LHPP: variants seen among roughly 807,000 people sequenced by gnomAD.
LHPP encodes phospholysine phosphohistidine inorganic pyrophosphate phosphatase.
Under a neutral mutation model 30.3 loss-of-function variants are expected in LHPP, and 24 were observed. That is an observed-to-expected ratio of 0.79 (90% CI 0.57 to 1.11). The LOEUF (loss-of-function observed/expected upper bound fraction) is 1.11. Among genes scored for constraint, LHPP ranks in the 50% most tolerant of loss-of-function variants. LHPP has a pLI of 0.00. For synonymous variants in LHPP, 150 were observed against 157.1 expected (o/e 0.95, Z 0.34); for missense variants, 356 against 367.2 (o/e 0.97, Z 0.25).
intron 6 of LHPP, among the ~76,000 whole-genome samples, chr10:124,562,462 G>A (rs1191392186): frequency 6.6e-6 from 1 of 152,170 alleles, no homozygotes; most frequent in Non-Finnish European, 1.5e-5. Flanking sequence ...TGAACTTGAA[G>A]GCAGGAAAAT....
At chr10:124,538,062 G>A (rs897355304) in intron 6 of LHPP, among the ~76,000 whole-genome samples, 1 of 152,072 alleles carries the variant, frequency 6.6e-6, no homozygotes, top group Non-Finnish European at 1.5e-5. Flanking sequence ...CCACCCACCT[G>A]CTGGGTCCTC....
chr10:124,469,547 A>T (rs1433571826), intron 1 of LHPP, among the ~76,000 whole-genome samples: 1 of 152,044 alleles, frequency 6.6e-6, no homozygotes, highest in Non-Finnish European at 1.5e-5. Context: ...AGGACCAAAA[A>T]TCGGAGAGAT....
At chr10:124,493,132 C>A (rs373580107) in intron 3 of LHPP, among the ~76,000 whole-genome samples, 1 of 133,554 alleles carries the variant, frequency 7.5e-6, no homozygotes, top group African/African-American at 2.7e-5. Flanking sequence ...AAAAAAAAAA[C>A]CGGAAGCAGT....
In LHPP at chr10:124,541,742, C is replaced by T. The variant is rs1589846084; in HGVS notation, c.716+24471C>T. 1.3e-5 allele frequency among the ~76,000 whole-genome samples: 2 copies of T among 152,144 alleles called. No homozygotes were observed. Among genetic ancestry groups the T allele is most frequent in the African/African-American group, 2.4e-5 (1 of 41,424 alleles). On this transcript the variant is annotated intron_variant, in intron 6 of 6. Transcript: ENST00000368842. This position sits in a 1 kb window ranked among gnomAD's most constrained non-coding sequence, Gnocchi z 4.2. ...CAAGCTACGAGGGCTTCTTAGAACACGCTGGACACTGGGGAGGGCTCTAAT... is the reference window on the plus strand; with the variant it reads ...CAAGCTACGAGGGCTTCTTAGAACATGCTGGACACTGGGGAGGGCTCTAAT...
At chr10:124,534,402 G>A (rs1366601540) in intron 6 of LHPP, among the ~76,000 whole-genome samples, 2 of 152,240 alleles carry the variant, frequency 1.3e-5, no homozygotes, top group Non-Finnish European at 2.9e-5. Context: ...GAAGAGGGCA[G>A]CACCGGCACG....
chr10:124,477,475 G>A (rs888089562), intron 1 of LHPP, among the ~76,000 whole-genome samples: 6 of 152,128 alleles, frequency 3.9e-5, no homozygotes, highest in Non-Finnish European at 5.9e-5. Context: ...GTGGGGGAGC[G>A]CTGCCCCCCA....
At position 124,520,946 on chromosome 10, in the gene LHPP, G is replaced by A. The variant is rs567519062; in HGVS notation, c.716+3675G>A. Reference sequence around the variant, plus strand: ...CTGCATGTTGAAATGCTGATATTTCGTGTTAATTTCACCCATTTATTTAAA... The same window carrying A: ...CTGCATGTTGAAATGCTGATATTTCATGTTAATTTCACCCATTTATTTAAA... On this transcript the variant is annotated intron_variant, in intron 6 of 6. Coordinates refer to ENST00000368842, the MANE Select transcript of LHPP (RefSeq NM_022126.4). Among the ~76,000 whole-genome samples, 21 of 152,326 alleles carry A rather than the reference G, an allele frequency of 1.4e-4. No individual in the cohort carries two copies. In the East Asian group the frequency reaches 2.5e-3, roughly 18 times the overall value.
chr10:124,571,730 G>A (rs959883100), intron 6 of LHPP, among the ~76,000 whole-genome samples: 1 of 152,146 alleles, frequency 6.6e-6, no homozygotes, highest in African/African-American at 2.4e-5. Flanking sequence ...TCCCTGGCTG[G>A]CCACCCTGCC....
chr10:124,522,631 G>A (rs1045841840), intron 6 of LHPP, among the ~76,000 whole-genome samples: 16 of 152,218 alleles, frequency 1.1e-4, no homozygotes, highest in African/African-American at 3.9e-4. Flanking sequence ...CTGCCCTTGG[G>A]GCCACATTTT....
At chr10:124,527,670 TC>T (rs1418501596) in intron 6 of LHPP, among the ~76,000 whole-genome samples, 1 of 151,620 alleles carries the variant, frequency 6.6e-6, no homozygotes, top group East Asian at 1.9e-4. Context: ...AGAGGGGGAG[TC>T]CAGCTGCCCG....
At chr10:124,548,070 G>A (rs1444160087) in intron 6 of LHPP, among the ~76,000 whole-genome samples, 4 of 152,322 alleles carry the variant, frequency 2.6e-5, no homozygotes, top group African/African-American at 9.6e-5. Flanking sequence ...GTCTCTAGGG[G>A]AGTTCCTGGG....
intron 6 of LHPP, among the ~76,000 whole-genome samples, chr10:124,542,689 A>C (rs1955227436): frequency 6.6e-6 from 1 of 152,036 alleles, no homozygotes; most frequent in Admixed American, 6.5e-5. Context: ...GCCAGGCTGG[A>C]GGCCCATTTT....
intron 6 of LHPP, among the ~76,000 whole-genome samples, chr10:124,584,872 G>C (rs1176391433): frequency 6.7e-6 from 1 of 149,070 alleles, no homozygotes; most frequent in African/African-American, 2.5e-5. Context: ...TAACATGACA[G>C]CAACAGTGGA....
chr10:124,550,940 G>C (rs565290329), intron 6 of LHPP, among the ~76,000 whole-genome samples: 14 of 152,292 alleles, frequency 9.2e-5, no homozygotes, highest in African/African-American at 3.4e-4. Flanking sequence ...TGGTGGACTA[G>C]AGCTCCGCTT....
chr10:124,544,758 G>A (rs114086443), intron 6 of LHPP, among the ~76,000 whole-genome samples: 512 of 152,292 alleles, frequency 3.4e-3, no homozygotes, highest in African/African-American at 0.011. Context: ...CCCCCGTCAC[G>A]GGACCTCACA....
At chr10:124,564,373 T>G (rs753560868) in intron 6 of LHPP, among the ~76,000 whole-genome samples, 3 of 152,248 alleles carry the variant, frequency 2.0e-5, no homozygotes, top group Non-Finnish European at 4.4e-5. Context: ...TCTGCCCACC[T>G]TGGCCTCCCA....
chr10:124,570,240 C>T (rs1948562443), intron 6 of LHPP, among the ~76,000 whole-genome samples: 1 of 152,184 alleles, frequency 6.6e-6, no homozygotes, highest in South Asian at 2.1e-4. Context: ...TCCTCTGGGC[C>T]CTCACTGCCA....
In LHPP at chr10:124,592,942, G is replaced by C. The variant is rs1248491999; in HGVS notation, c.717-20322G>C. Among the ~76,000 whole-genome samples, 1 of 152,246 alleles carries C rather than the reference G, an allele frequency of 6.6e-6. No individual in the cohort carries two copies. Among genetic ancestry groups the C allele is most frequent in the African/African-American group, 2.4e-5 (1 of 41,466 alleles). The stretch of plus-strand genomic sequence containing the variant: ...CCCCAGGCAGGCTGGCGTCCCGGGG[G>C]CCAGAATGAATGGACCCTCACTGGG... On this transcript the variant is annotated intron_variant, in intron 6 of 6. Transcript: ENST00000368842. This position sits in a 1 kb window ranked among gnomAD's most constrained non-coding sequence, Gnocchi z 6.2.
chr10:124,468,455 A>C (rs2459211), intron 1 of LHPP, among the ~76,000 whole-genome samples: 135,532 of 152,214 alleles, frequency 0.89, 60,593 homozygotes, highest in African/African-American at 0.97. Context: ...CACCCGTGAT[A>C]TGGGAGGTTT....
Sources: gnomAD v4.1 joint callset for allele counts (sites outside exome capture counted in the v4.1 genomes callset) on GRCh38, gnomAD v4.1.1 for gene constraint, Gnocchi (gnomAD v3.1) non-coding constraint, MANE v1.5 for transcripts, NCBI Gene and HGNC (gene_info 2026-07-23, HGNC 2026-07-21) for gene names.